Variants in DNAH5 observed in about 807,000 individuals in gnomAD.
The protein encoded by DNAH5 is dynein axonemal heavy chain 5, also known as axonemal beta dynein heavy chain 5.
Under a neutral mutation model 518.2 loss-of-function variants are expected in DNAH5, and 372 were observed. The observed-to-expected ratio is 0.72, with a 90% CI of 0.66 to 0.78. The LOEUF (loss-of-function observed/expected upper bound fraction) is 0.78, where lower values mean the gene tolerates loss of function less well. DNAH5 is among the 30% of genes least tolerant of loss of function. DNAH5 has a pLI of 0.00. For missense variants in DNAH5, 5,523 were observed against 5,687.0 expected (o/e 0.97, Z 0.93); for synonymous variants, 2,039 against 2,025.9 (o/e 1.01, Z -0.17).
intron 15 of DNAH5, chr5:13,899,066 G>A (rs1479859218): frequency 6.5e-6 from 1 of 153,484 alleles, no homozygotes; most frequent in Admixed American, 6.5e-5. Flanking sequence ...AAGTAGCTGA[G>A]ATTACAGGCA....
intron 1 of DNAH5, among the ~76,000 whole-genome samples, chr5:13,985,750 A>G (rs1360496559): frequency 6.6e-6 from 1 of 152,152 alleles, no homozygotes; most frequent in Non-Finnish European, 1.5e-5. Flanking sequence ...TCCTGTGGGT[A>G]GAACTTGGTA....
At chr5:13,938,421 C>A (rs1779150828) in intron 1 of DNAH5, among the ~76,000 whole-genome samples, 1 of 152,042 alleles carries the variant, frequency 6.6e-6, no homozygotes. Context: ...CACATTCACA[C>A]AATTTTTATT....
At chr5:13,905,995 G>A (rs1263858358) in intron 12 of DNAH5, among the ~76,000 whole-genome samples, 2 of 152,088 alleles carry the variant, frequency 1.3e-5, no homozygotes, top group Admixed American at 6.5e-5. Context: ...AAATATAAAC[G>A]CATATCACTA....
intron 15 of DNAH5, chr5:13,896,708 T>C (rs1340324276): frequency 6.6e-6 from 1 of 152,222 alleles, no homozygotes; most frequent in Non-Finnish European, 1.5e-5. Flanking sequence ...CAGAAGGATT[T>C]TTCATCTGAA....
intron 9 of DNAH5, among the ~76,000 whole-genome samples, chr5:13,915,316 G>T (rs1213347197): frequency 6.6e-6 from 1 of 152,054 alleles, no homozygotes; most frequent in African/African-American, 2.4e-5. Context: ...TATGTACATG[G>T]CATTCCAGTA....
Position 13,885,290 on chromosome 5 carries a change from CAGAT to C in DNAH5, c.2744-66_2744-63del, listed in dbSNP as rs554804302. On this transcript the variant is annotated intron_variant, in intron 18 of 78. Transcript: ENST00000265104. ...TTAGATGGATGGATGGATAGATAGA[CAGAT>C]AGATAGACAGATAGATAGAATCATC... 1.5e-4 allele frequency: 232 copies of C among 1,573,014 alleles called. 2 individuals carry two copies. In the African/African-American group the frequency reaches 1.6e-3, roughly 11 times the overall value.
intron 78 of DNAH5, among the ~76,000 whole-genome samples, chr5:13,699,107 A>C (rs1028165192): frequency 6.6e-6 from 1 of 152,168 alleles, no homozygotes; most frequent in African/African-American, 2.4e-5. Context: ...GTAGTTACTG[A>C]ATGACCAAGC....
chr5:13,842,102 A>G lies in DNAH5; in HGVS notation c.5272-198T>C, dbSNP rs1910088. The stretch of plus-strand genomic sequence containing the variant: ...GGCAATACAAAATCAATTCCAGGCC[A>G]GGCACAGTGGCTCACACCTGTAATC... On this transcript the variant is annotated intron_variant, in intron 32 of 78. Coordinates refer to ENST00000265104, the MANE Select transcript of DNAH5 (RefSeq NM_001369.3). Among the ~76,000 whole-genome samples, 60,449 of 151,084 alleles carry G rather than the reference A, an allele frequency of 0.4. 12,494 individuals are homozygous for G. Among genetic ancestry groups the G allele is most frequent in the East Asian group, 0.61 (3,102 of 5,112 alleles).
At chr5:13,789,580 AT>A (rs765684126) in intron 50 of DNAH5, among the ~76,000 whole-genome samples, 106 of 152,342 alleles carry the variant, frequency 7.0e-4, no homozygotes, top group Non-Finnish European at 1.0e-3. Flanking sequence ...CAGGTTACAG[AT>A]TTTTAAGCCA....
chr5:13,809,314 A>G, intron 45 of DNAH5, 128 bp from the exon 46 acceptor site: 1 of 1,144,812 alleles, frequency 8.7e-7, no homozygotes, highest in Non-Finnish European at 1.3e-6. Context: ...GATCATTAAA[A>G]TTAGAGATCT....
chr5:13,878,674 C>T (rs1394654499), intron 21 of DNAH5, among the ~76,000 whole-genome samples: 5 of 152,186 alleles, frequency 3.3e-5, no homozygotes, highest in African/African-American at 1.2e-4. Context: ...ATCTAGCTAG[C>T]TCTGGGAGTC....
In DNAH5 at chr5:13,932,618, C is replaced by T. The variant is rs550581425; in HGVS notation, c.58-1374G>A. On this transcript the variant is annotated intron_variant, in intron 1 of 78. Coordinates refer to ENST00000265104, the MANE Select transcript of DNAH5 (RefSeq NM_001369.3). ...AAGTTTAACTGTTATGTAAAATCCA[C>T]GGAGAATCACTGATGAGTTTCATAT... Among the ~76,000 whole-genome samples, 8 of 152,296 alleles carry T rather than the reference C, an allele frequency of 5.3e-5. No individual in the cohort carries two copies. In the East Asian group the frequency reaches 5.8e-4, roughly 11 times the overall value.
At chr5:13,853,867 A>C (rs1767235316) in intron 30 of DNAH5, among the ~76,000 whole-genome samples, 1 of 152,104 alleles carries the variant, frequency 6.6e-6, no homozygotes, top group South Asian at 2.1e-4. Flanking sequence ...GAAATATGAG[A>C]CTATGTGAAA....
intron 1 of DNAH5, among the ~76,000 whole-genome samples, chr5:14,000,399 G>A (rs1027975027): frequency 1.3e-5 from 2 of 152,234 alleles, no homozygotes; most frequent in African/African-American, 4.8e-5. Context: ...CAAACTGTGA[G>A]AGAGTAAGTT....
At chr5:13,893,820 T>A (rs1354501511) in intron 16 of DNAH5, among the ~76,000 whole-genome samples, 1 of 151,558 alleles carries the variant, frequency 6.6e-6, no homozygotes, top group East Asian at 1.9e-4. Context: ...CAAGACTCAC[T>A]CTGGGCTATA....
intron 3 of DNAH5, among the ~76,000 whole-genome samples, chr5:13,925,950 A>T (rs939561380): frequency 6.6e-6 from 1 of 152,232 alleles, no homozygotes; most frequent in Non-Finnish European, 1.5e-5. Context: ...TCAATAAACA[A>T]GGTCTTCAAC....
At chr5:13,778,524 A>T (rs1362821635) in intron 53 of DNAH5, among the ~76,000 whole-genome samples, 2 of 134,456 alleles carry the variant, frequency 1.5e-5, no homozygotes, top group Non-Finnish European at 3.3e-5. Context: ...GGGGAGAGAA[A>T]GTGAGAGAGA....
chr5:13,749,037 G>A (rs1344113329), intron 65 of DNAH5, among the ~76,000 whole-genome samples: 4 of 151,886 alleles, frequency 2.6e-5, no homozygotes, highest in Non-Finnish European at 5.9e-5. Context: ...GTCCAGCAGT[G>A]TTAGCAGATT....
chr5:13,956,474 ATTG>A (rs985099703), intron 1 of DNAH5, among the ~76,000 whole-genome samples: 1 of 152,026 alleles, frequency 6.6e-6, no homozygotes, highest in African/African-American at 2.4e-5. Context: ...TTTTCATGCC[ATTG>A]TTGTTCTCAT....
Sources: gnomAD v4.1 joint callset for allele counts (sites outside exome capture counted in the v4.1 genomes callset) on GRCh38, gnomAD v4.1.1 for gene constraint, MANE v1.5 for transcripts, NCBI Gene and HGNC (gene_info 2026-07-23, HGNC 2026-07-21) for gene names.